Variants in FGD5 observed in about 807,000 individuals in gnomAD.
FGD5 encodes FYVE, RhoGEF and PH domain-containing protein 5.
In FGD5, 28 loss-of-function variants were observed where a neutral mutation model predicts 133.4. That is an observed-to-expected ratio of 0.21 (90% confidence interval 0.16 to 0.29). The LOEUF is 0.29. Among genes scored for constraint, FGD5 ranks in the 10% least tolerant of loss-of-function variants. FGD5 has a pLI of 1.00. For synonymous variants in FGD5, 810 were observed against 776.5 expected (o/e 1.04, Z -0.72); for missense variants, 1,858 against 1,895.2 (o/e 0.98, Z 0.36).
At position 14,897,596 on chromosome 3, in the gene FGD5, C is replaced by T; in HGVS notation, c.2836C>T (p.Leu946=). ...TLAREELRQG[L]SELPAIHDLH... is the part of the protein sequence containing the mutation. ...GGCCCGGGAGGAGCTGAGGCAGGGCCTGAGTGAACTCCCAGCCATCCACGA... is the reference window on the plus strand; with the variant it reads ...GGCCCGGGAGGAGCTGAGGCAGGGCTTGAGTGAACTCCCAGCCATCCACGA... The change falls in exon 5 of 20, where the codon CTG becomes TTG. Residue 946 remains leucine, a synonymous_variant. Coordinates refer to ENST00000285046, the MANE Select transcript of FGD5 (RefSeq NM_152536.4). 6.2e-7 allele frequency: 1 copy of T among 1,605,224 alleles called. No homozygotes were observed. The highest frequency in any genetic ancestry group is 8.5e-7 in the Non-Finnish European group (1 of 1,176,024).
At chr3:14,840,820 T>C (rs540881816) in intron 1 of FGD5, among the ~76,000 whole-genome samples, 4 of 152,340 alleles carry the variant, frequency 2.6e-5, no homozygotes, top group African/African-American at 7.2e-5. Flanking sequence ...TGTGAGTGTA[T>C]ATAGTGTGTG....
chr3:14,898,711 G>A, intron 6 of FGD5, 28 bp from the exon 7 acceptor site: 4 of 1,555,758 alleles, frequency 2.6e-6, no homozygotes, highest in Non-Finnish European at 3.5e-6. Context: ...TTTCTGATAA[G>A]GTTTTTCCTT....
chr3:14,925,242 T>C (rs1328074722), intron 17 of FGD5, among the ~76,000 whole-genome samples: 2 of 152,122 alleles, frequency 1.3e-5, no homozygotes, highest in Non-Finnish European at 1.5e-5. Flanking sequence ...AAGTTTCTTA[T>C]GGAACCTTGT....
intron 11 of FGD5, among the ~76,000 whole-genome samples, chr3:14,911,502 C>G (rs2038447877): frequency 6.6e-6 from 1 of 151,996 alleles, no homozygotes; most frequent in Admixed American, 6.6e-5. Context: ...TTCTCTTGCT[C>G]CTGCATTTCT....
At chr3:14,911,848 C>T (rs1038340909) in intron 11 of FGD5, among the ~76,000 whole-genome samples, 12 of 150,394 alleles carry the variant, frequency 8.0e-5, no homozygotes, top group Non-Finnish European at 1.8e-4. Context: ...GAGCCACAGC[C>T]ACGGCAGCGC....
intron 2 of FGD5, among the ~76,000 whole-genome samples, chr3:14,869,581 T>C (rs1300506491): frequency 6.6e-6 from 1 of 152,160 alleles, no homozygotes; most frequent in African/African-American, 2.4e-5. Context: ...CTGCCCCCTT[T>C]AGACACTGAC....
intron 18 of FGD5, chr3:14,932,097 A>G (rs1301759544): frequency 6.5e-6 from 1 of 153,476 alleles, no homozygotes; most frequent in Admixed American, 6.5e-5. Context: ...TTGAGACAAT[A>G]TGTGAGACAG....
At chr3:14,925,120 A>AC (rs1375276021) in intron 17 of FGD5, among the ~76,000 whole-genome samples, 1 of 147,334 alleles carries the variant, frequency 6.8e-6, no homozygotes, top group East Asian at 1.9e-4. Context: ...AAAAAAAAAA[A>AC]AAAAAAAACA....
chr3:14,919,718 G>T (rs1379355216), intron 13 of FGD5, among the ~76,000 whole-genome samples: 2 of 152,180 alleles, frequency 1.3e-5, no homozygotes, highest in Non-Finnish European at 2.9e-5. Flanking sequence ...CAAGGTCAAG[G>T]CACTGACTGA....
chr3:14,926,226 C>T (rs2038800643), intron 18 of FGD5, 28 bp downstream of exon 18: 2 of 1,610,880 alleles, frequency 1.2e-6, no homozygotes, highest in Non-Finnish European at 8.5e-7. Flanking sequence ...TCTCTCCCCT[C>T]TCCTCTCTCC....
At chr3:14,889,282 A>T (rs776364237) in intron 4 of FGD5, among the ~76,000 whole-genome samples, 1 of 152,174 alleles carries the variant, frequency 6.6e-6, no homozygotes, top group Non-Finnish European at 1.5e-5. Flanking sequence ...CCCAAAGGTT[A>T]CCACTGTTTT....
chr3:14,911,906 T>C (rs2038456273), intron 11 of FGD5, among the ~76,000 whole-genome samples: 1 of 151,290 alleles, frequency 6.6e-6, no homozygotes, highest in Admixed American at 6.6e-5. Context: ...GCTCAGTGTT[T>C]CATATGTTTT....
intron 12 of FGD5, 123 bp from the exon 13 acceptor site, chr3:14,918,631 C>T (rs1412521186): frequency 1.5e-5 from 14 of 919,388 alleles, no homozygotes; most frequent in South Asian, 1.1e-4. Context: ...GAAAGGTATG[C>T]CCTGAGGCTA....
intron 2 of FGD5, among the ~76,000 whole-genome samples, chr3:14,876,957 T>C (rs2125114748): frequency 6.6e-6 from 1 of 152,316 alleles, no homozygotes; most frequent in Non-Finnish European, 1.5e-5. Flanking sequence ...TTGAACCAGC[T>C]GGTTTGCTGG....
upstream of FGD5, among the ~76,000 whole-genome samples, chr3:14,818,744 C>T (rs2036420225): frequency 6.6e-6 from 1 of 152,144 alleles, no homozygotes; most frequent in Admixed American, 6.5e-5. Context: ...AAGGTCTGTT[C>T]ACTTTGTTTA....
rs1471757922 is a variant in FGD5 at position 14,864,245 on chromosome 3, C to G, written c.2643C>G (p.Pro881=). The change falls in exon 2 of 20, where the codon CCC becomes CCG. Residue 881 remains proline, a synonymous_variant. Transcript: ENST00000285046. The part of the protein sequence containing the change: ...SEEEDSASRD[P]SVTHKVEGQS... ...AGGAGGACAGTGCTTCAAGAGACCC[C>G]AGTGTCACCCACAAGGTAGGGCACC... The G allele has an allele frequency of 6.2e-7, 1 of 1,613,986 alleles. No individual in the cohort carries two copies. The highest frequency in any genetic ancestry group is 8.5e-7 in the Non-Finnish European group (1 of 1,179,876).
At chr3:14,893,770 T>TTG (rs1391600429) in intron 4 of FGD5, among the ~76,000 whole-genome samples, 1 of 146,000 alleles carries the variant, frequency 6.8e-6, no homozygotes, top group Non-Finnish European at 1.5e-5. Flanking sequence ...TTTTTTTTTT[T>TTG]TTGAGACAGA....
At chr3:14,812,663 T>C (rs926958928) in intron 1 of FGD5, among the ~76,000 whole-genome samples, 11 of 152,232 alleles carry the variant, frequency 7.2e-5, no homozygotes, top group Admixed American at 7.2e-4. Context: ...CCTGATCACA[T>C]GGCATGGTGG....
chr3:14,844,259 T>C (rs1264353900), intron 1 of FGD5, among the ~76,000 whole-genome samples: 1 of 73,200 alleles, frequency 1.4e-5, no homozygotes, highest in African/African-American at 5.8e-5. Context: ...TATATATATA[T>C]ATATATATAT....
Sources: gnomAD v4.1 joint callset for allele counts (sites outside exome capture counted in the v4.1 genomes callset) on GRCh38, gnomAD v4.1.1 for gene constraint, MANE v1.5 for transcripts, NCBI Gene and HGNC (gene_info 2026-07-23, HGNC 2026-07-21) for gene names.